CACNA2D3: variants seen among roughly 807,000 people sequenced by gnomAD.
CACNA2D3 encodes voltage-dependent calcium channel subunit alpha-2/delta-3.
Under a neutral mutation model 160.6 loss-of-function variants are expected in CACNA2D3, and 60 were observed. The observed-to-expected ratio is 0.37, with a 90% CI of 0.30 to 0.46. The LOEUF is 0.46. CACNA2D3 is among the 20% of genes least tolerant of loss of function. The probability of loss-of-function intolerance (pLI) is 1.00; values close to 1 mark genes in which losing one functional copy is unlikely to be tolerated. For missense variants in CACNA2D3, 1,205 were observed against 1,365.0 expected (o/e 0.88, Z 1.85); for synonymous variants, 558 against 492.9 (o/e 1.13, Z -1.75).
At chr3:54,837,859 C>T (rs1353080822) in intron 15 of CACNA2D3, among the ~76,000 whole-genome samples, 1 of 152,084 alleles carries the variant, frequency 6.6e-6, no homozygotes, top group Non-Finnish European at 1.5e-5. Flanking sequence ...GCTAAATCCA[C>T]GATGATTTCA....
chr3:54,660,063 G>A (rs188609311), intron 11 of CACNA2D3, among the ~76,000 whole-genome samples: 2 of 151,966 alleles, frequency 1.3e-5, no homozygotes, highest in East Asian at 3.9e-4. Flanking sequence ...CTCAAAACCT[G>A]ACCGTGAGCC....
At chr3:55,070,263 A>G (rs994138373) in intron 35 of CACNA2D3, among the ~76,000 whole-genome samples, 2 of 152,214 alleles carry the variant, frequency 1.3e-5, no homozygotes, top group Admixed American at 1.3e-4. Context: ...AGTTGGAGTG[A>G]TGAGGACTAC....
rs1575504883 is a variant in CACNA2D3 at position 54,528,302 on chromosome 3, C to CT, written c.544+24648_544+24649insT. Among the ~76,000 whole-genome samples the CT allele has an allele frequency of 2.6e-5, 4 of 151,564 alleles. No individual in the cohort carries two copies. The East Asian group carries it at 7.7e-4, about 29-fold the overall frequency. The stretch of plus-strand genomic sequence containing the variant: ...AAATGGGCATGAGAATAGTTTCTAC[C>CT]CCAGAAGGTTGTTGTGAGGATTAAG... On this transcript the variant is annotated intron_variant, in intron 5 of 37. Coordinates refer to ENST00000474759, the MANE Select transcript of CACNA2D3 (RefSeq NM_018398.3).
intron 2 of CACNA2D3, among the ~76,000 whole-genome samples, chr3:54,206,963 C>A (rs150357511): frequency 6.6e-6 from 1 of 152,352 alleles, no homozygotes; most frequent in Non-Finnish European, 1.5e-5. Flanking sequence ...CTCCATTCTT[C>A]CCTAGGGACT....
intron 2 of CACNA2D3, among the ~76,000 whole-genome samples, chr3:54,193,471 T>G (rs566403068): frequency 6.6e-6 from 1 of 152,332 alleles, no homozygotes; most frequent in African/African-American, 2.4e-5. Context: ...ATAGTAAACA[T>G]TTGAATTCTA....
At chr3:54,250,900 G>A (rs1216964938) in intron 2 of CACNA2D3, among the ~76,000 whole-genome samples, 1 of 152,156 alleles carries the variant, frequency 6.6e-6, no homozygotes, top group Non-Finnish European at 1.5e-5. Context: ...CAGCTGGGTA[G>A]TGAGTTGGTT....
chr3:54,130,982 T>TTCTA (rs1401870020), intron 2 of CACNA2D3, among the ~76,000 whole-genome samples: 5 of 152,232 alleles, frequency 3.3e-5, no homozygotes, highest in Non-Finnish European at 1.5e-5. Flanking sequence ...GACCAGTACC[T>TTCTA]TCTATCTTAT....
At chr3:54,454,566 A>C (rs1559485326) in intron 4 of CACNA2D3, among the ~76,000 whole-genome samples, 1 of 152,074 alleles carries the variant, frequency 6.6e-6, no homozygotes, top group Non-Finnish European at 1.5e-5. Flanking sequence ...TAATCAGTAC[A>C]TCCATCACCT....
At chr3:54,149,267 G>GCACA (rs3060363) in intron 2 of CACNA2D3, among the ~76,000 whole-genome samples, 17,101 of 144,268 alleles carry the variant, frequency 0.12, 989 homozygotes, top group Non-Finnish European at 0.13. Context: ...GGTCCCATGT[G>GCACA]CACACACACA....
chr3:54,804,879 A>G (rs893678457), intron 13 of CACNA2D3, among the ~76,000 whole-genome samples: 1 of 152,212 alleles, frequency 6.6e-6, no homozygotes, highest in African/African-American at 2.4e-5. Context: ...ATCAAACTAG[A>G]ACTCAGGATT....
chr3:54,947,017 A>G (rs1701633418), intron 27 of CACNA2D3, among the ~76,000 whole-genome samples: 1 of 152,322 alleles, frequency 6.6e-6, no homozygotes, highest in African/African-American at 2.4e-5. Context: ...TAGACAAGTA[A>G]TTGGGTCATC....
chr3:54,240,567 G>A (rs1448213274), intron 2 of CACNA2D3, among the ~76,000 whole-genome samples: 2 of 152,166 alleles, frequency 1.3e-5, no homozygotes, highest in African/African-American at 4.8e-5. Flanking sequence ...TTTTCTCCTA[G>A]TAAGTGAGGA....
At chr3:54,401,386 A>G (rs534877822) in intron 4 of CACNA2D3, among the ~76,000 whole-genome samples, 4 of 152,208 alleles carry the variant, frequency 2.6e-5, no homozygotes, top group Admixed American at 2.6e-4. Context: ...GGACATCCAG[A>G]TCTGTGAAAC....
At position 54,503,418 on chromosome 3, in the gene CACNA2D3, T is replaced by A. The variant is rs1200941492; in HGVS notation, c.382-74T>A. The A allele has an allele frequency of 3.7e-6, 5 of 1,359,134 alleles. No homozygotes were observed. The African/African-American group carries it at 4.3e-5, about 12-fold the overall frequency. The allele number at this position is 1,359,134 out of a possible 1,614,324, so 84.2% of individuals were successfully genotyped here. ...ACAGTGTAAGGGATGGCACATGGCC[T>A]GTGCCCAGGTCTAAGTGAGTTCACA... is the stretch of plus-strand genomic sequence containing the variant. On this transcript the variant is annotated intron_variant, in intron 4 of 37. Coordinates refer to ENST00000474759, the MANE Select transcript of CACNA2D3 (RefSeq NM_018398.3).
chr3:54,236,871 T>C (rs1279984610), intron 2 of CACNA2D3, among the ~76,000 whole-genome samples: 3 of 152,056 alleles, frequency 2.0e-5, no homozygotes, highest in Non-Finnish European at 4.4e-5. Context: ...ATTGATAACA[T>C]GAATATCGTA....
At chr3:54,420,128 A>G (rs1195604366) in intron 4 of CACNA2D3, among the ~76,000 whole-genome samples, 1 of 151,786 alleles carries the variant, frequency 6.6e-6, no homozygotes, top group African/African-American at 2.4e-5. Flanking sequence ...TCTGTCGCCC[A>G]GGCTGGAGTT....
intron 10 of CACNA2D3, among the ~76,000 whole-genome samples, chr3:54,635,431 G>A (rs1200329533): frequency 6.6e-6 from 1 of 151,976 alleles, no homozygotes; most frequent in Non-Finnish European, 1.5e-5. Flanking sequence ...AACAAGAGCA[G>A]GGCATGTATG....
intron 4 of CACNA2D3, among the ~76,000 whole-genome samples, chr3:54,406,325 A>G (rs1699575919): frequency 6.6e-6 from 1 of 152,152 alleles, no homozygotes; most frequent in South Asian, 2.1e-4. Context: ...ATGGATAAAG[A>G]AACTGTGTGC....
At chr3:54,907,984 C>CT (rs1408006231) in intron 27 of CACNA2D3, among the ~76,000 whole-genome samples, 2 of 152,118 alleles carry the variant, frequency 1.3e-5, no homozygotes, top group Non-Finnish European at 2.9e-5. Flanking sequence ...TTGATGGATG[C>CT]TTTTTTAGCT....
Sources: allele counts gnomAD v4.1 joint callset (sites outside exome capture counted in the v4.1 genomes callset), GRCh38; gene constraint gnomAD v4.1.1; transcripts MANE v1.5; gene names NCBI Gene and HGNC (gene_info 2026-07-23, HGNC 2026-07-21).